The following LRATD1 variants were observed in gnomAD, a reference collection of about 807,000 sequenced individuals.
The protein encoded by LRATD1 is LRAT domain containing 1, also known as protein LRATD1.
A neutral mutation model predicts 21.3 loss-of-function variants in LRATD1; 8 were observed. That is an observed-to-expected ratio of 0.38 (90% CI 0.22 to 0.68). The LOEUF is 0.68. LRATD1 is among the 30% of genes least tolerant of loss of function. LRATD1 has a pLI of 0.54. For synonymous variants in LRATD1, 210 were observed against 186.2 expected, an observed-to-expected ratio of 1.13 and a Z score of -1.04; for missense variants, 380 against 404.0, an observed-to-expected ratio of 0.94 and a Z score of 0.51.
In LRATD1 at chr2:14,632,801, C is replaced by G. The variant is rs1271957617; in HGVS notation, c.-173C>G. The G allele has an allele frequency of 1.3e-5, 2 of 152,788 alleles. No homozygotes were observed. Among genetic ancestry groups the G allele is most frequent in the Non-Finnish European group, 2.9e-5 (2 of 68,438 alleles). 9.5% of individuals were successfully genotyped at this position (152,788 alleles called of 1,614,324 possible). On this transcript the variant is annotated 5_prime_UTR_variant, in exon 1 of 2. Coordinates refer to ENST00000295092, the MANE Select transcript of LRATD1 (RefSeq NM_145175.4). ...GGAGGCGCACGGGCGCCGCACCGCA[C>G]GATTCGGCTCGGGGTAGAGCGGAGC...
At chr2:14,648,483 T>G (rs1271940837) in intron 4 of LRATD1, among the ~76,000 whole-genome samples, 1 of 152,104 alleles carries the variant, frequency 6.6e-6, no homozygotes, top group Non-Finnish European at 1.5e-5. Context: ...GTGAGAAGAG[T>G]GGCATTGTTT....
intron 2 of LRATD1, among the ~76,000 whole-genome samples, chr2:14,645,507 G>A (rs1161980919): frequency 3.3e-5 from 5 of 152,080 alleles, no homozygotes; most frequent in East Asian, 1.9e-4. Flanking sequence ...AATGCTAGAC[G>A]GAATCTTTTA....
downstream of LRATD1, among the ~76,000 whole-genome samples, chr2:14,642,302 C>A (rs1425687644): frequency 1.3e-5 from 2 of 152,090 alleles, no homozygotes; most frequent in African/African-American, 4.8e-5. Context: ...GTTTCTCTGT[C>A]CTGGGTATAA....
At chr2:14,642,036 G>A (rs1671812060), downstream of LRATD1, 1 of 152,172 alleles carries the variant, frequency 6.6e-6, no homozygotes, top group Admixed American at 6.5e-5. Flanking sequence ...ACTTGCAGTA[G>A]GTGCTAAATT....
downstream of LRATD1, among the ~76,000 whole-genome samples, chr2:14,643,471 CT>C (rs1463903117): frequency 6.6e-6 from 1 of 152,222 alleles, no homozygotes; most frequent in Non-Finnish European, 1.5e-5. Context: ...GCCTCTGAAG[CT>C]TCATCCCCTG....
At chr2:14,640,351 C>A (rs1671787919), downstream of LRATD1, among the ~76,000 whole-genome samples, 1 of 152,136 alleles carries the variant, frequency 6.6e-6, no homozygotes, top group Non-Finnish European at 1.5e-5. Flanking sequence ...TGCTATGCCT[C>A]TTGGCTTTTA....
In LRATD1 at chr2:14,634,481, G is replaced by A; in HGVS notation, c.502G>A (p.Glu168Lys). Residue 168 changes from glutamate (E) to lysine (K), a missense_variant, in exon 2 of 2, where the codon GAG becomes AAG. By Grantham distance (56) the Glu-to-Lys change is moderately conservative (BLOSUM62 1). Coordinates refer to ENST00000295092, the MANE Select transcript of LRATD1 (RefSeq NM_145175.4). ...QGEIRQDSLY[E>K]AGAANVGRVV... Reference sequence around the variant, plus strand: ...CGAGATCCGCCAGGACAGCCTGTATGAGGCGGGCGCGGCCAACGTGGGCCG... The same window carrying A: ...CGAGATCCGCCAGGACAGCCTGTATAAGGCGGGCGCGGCCAACGTGGGCCG... 1 of 1,512,518 alleles carries A rather than the reference G, an allele frequency of 6.6e-7. No individual in the cohort carries two copies. The highest frequency in any genetic ancestry group is 8.8e-7 in the Non-Finnish European group (1 of 1,132,242). 93.7% of individuals were successfully genotyped at this position (1,512,518 alleles called of 1,614,324 possible). A position where few individuals can be genotyped will look rare whatever the true frequency, so the allele number is the denominator to read the frequency against.
At position 14,634,220 on chromosome 2, in the gene LRATD1, C is replaced by T; in HGVS notation, c.241C>T (p.Leu81Phe). The change falls in exon 2 of 2, where the codon CTC becomes TTC. Residue 81 changes from leucine (L) to phenylalanine (F), a missense_variant. Transcript: ENST00000295092. Reference sequence around the variant, plus strand: ...CCACCACCTGCTGCACCAGCTGGTCCTCAACGAGACTCAGTTTTCCGCCTT... The same window carrying T: ...CCACCACCTGCTGCACCAGCTGGTCTTCAACGAGACTCAGTTTTCCGCCTT... Reference protein sequence around the residue: ...HHHHLLHQLVLNETQFSAFRG... With the variant: ...HHHHLLHQLVFNETQFSAFRG... The T allele has an allele frequency of 1.2e-6, 2 of 1,612,842 alleles. 1 individual carries two copies. The highest frequency in any genetic ancestry group is 2.2e-5 in the South Asian group (2 of 91,044).
At chr2:14,643,354 C>T (rs181309401), downstream of LRATD1, among the ~76,000 whole-genome samples, 192 of 152,290 alleles carry the variant, frequency 1.3e-3, 1 homozygote, top group African/African-American at 4.5e-3. Flanking sequence ...TTCCTTACAG[C>T]CTTTAAGGAC....
At position 14,648,928 on chromosome 2, in the gene LRATD1, C is replaced by T. The variant is rs544071875; in HGVS notation, n.437-388C>T. Among the ~76,000 whole-genome samples, 10 of 152,096 alleles carry T rather than the reference C, an allele frequency of 6.6e-5. 1 individual carries two copies. The highest frequency in any genetic ancestry group is 1.2e-4 in the Non-Finnish European group (8 of 68,018). ...ATTTATTCATGAAGGTAGTTTCTCC[C>T]CTGTCACTGGGTAAAGTCAGGCCAG... On this transcript the variant is annotated intron_variant and non_coding_transcript_variant, in intron 4 of 5. Coordinates refer to the LRATD1 transcript ENST00000464947.
In LRATD1 at chr2:14,635,003, AC is replaced by A. The variant is rs1249350333; in HGVS notation, c.*150del. On this transcript the variant is annotated 3_prime_UTR_variant, in exon 2 of 2. Coordinates refer to ENST00000295092, the MANE Select transcript of LRATD1 (RefSeq NM_145175.4). ...CGCCGGTGGCCCGGGCCCGGGCTGCACCCCCGCATCCCCAAGCCAGCGGCAG... is the reference window on the plus strand; with the variant it reads ...CGCCGGTGGCCCGGGCCCGGGCTGCACCCCGCATCCCCAAGCCAGCGGCAG... 2.6e-6 allele frequency: 3 copies of A among 1,142,366 alleles called. No individual in the cohort carries two copies. Among genetic ancestry groups the A allele is most frequent in the Admixed American group, 2.2e-5 (1 of 44,882 alleles). The allele number at this position is 1,142,366 out of a possible 1,614,324, so 70.8% of individuals were successfully genotyped here.
At position 14,634,247 on chromosome 2, in the gene LRATD1, C is replaced by T; in HGVS notation, c.268C>T (p.Arg90Trp). 6.2e-7 allele frequency: 1 copy of T among 1,610,622 alleles called. No individual in the cohort carries two copies. Among genetic ancestry groups the T allele is most frequent in the Non-Finnish European group, 8.5e-7 (1 of 1,179,734 alleles). Residue 90 changes from arginine (R) to tryptophan (W), a missense_variant, in exon 2 of 2, where the codon CGG becomes TGG. Physicochemically the swap from Arg to Trp is moderately radical, Grantham distance 101. Coordinates refer to ENST00000295092, the MANE Select transcript of LRATD1 (RefSeq NM_145175.4). ...VLNETQFSAF[R>W]GQECIFSKVS... ...CAACGAGACTCAGTTTTCCGCCTTT[C>T]GGGGCCAGGAATGCATCTTTTCCAA...
chr2:14,649,297 T>C (rs184876432), intron 4 of LRATD1: 236 of 456,542 alleles, frequency 5.2e-4, no homozygotes, highest in Middle Eastern at 9.8e-4. Context: ...AAACATTGTG[T>C]TTTTCTTGTG....
Position 14,633,639 on chromosome 2 carries a change from C to T in LRATD1, c.-36-305C>T. ...GTCTCCCACACTGCCACAGCCAGCA[C>T]TCTCCTCCCCACCGGGACCCCGCAA... On this transcript the variant is annotated intron_variant, in intron 1 of 1. Transcript: ENST00000295092. The surrounding 1 kb of genome is among the most constrained non-coding windows in gnomAD (Gnocchi z 7.5). The T allele has an allele frequency of 3.2e-6, 1 of 310,664 alleles. No individual in the cohort carries two copies. The highest frequency in any genetic ancestry group is 6.0e-6 in the Non-Finnish European group (1 of 165,306). The allele number at this position is 310,664 out of a possible 1,614,324, so 19.2% of individuals were successfully genotyped here.
downstream of LRATD1, among the ~76,000 whole-genome samples, chr2:14,644,385 T>C (rs774522527): frequency 2.6e-5 from 4 of 152,332 alleles, no homozygotes; most frequent in Non-Finnish European, 4.4e-5. Flanking sequence ...GGTAGAAATA[T>C]AGATAAATAT....
downstream of LRATD1, chr2:14,649,813 C>T (rs1671971651): frequency 1.9e-5 from 3 of 155,478 alleles, no homozygotes; most frequent in South Asian, 5.9e-4. Context: ...TCCTAACGCC[C>T]CAGGTGATGA....
chr2:14,642,960 T>C (rs1671830718), downstream of LRATD1, among the ~76,000 whole-genome samples: 1 of 152,222 alleles, frequency 6.6e-6, no homozygotes, highest in South Asian at 2.1e-4. Context: ...AGGTTGCCTG[T>C]ATCTAAGACA....
Position 14,634,393 on chromosome 2 carries a change from C to T in LRATD1, c.414C>T (p.Pro138=). The T allele has an allele frequency of 6.5e-7, 1 of 1,539,660 alleles. No individual in the cohort carries two copies. Among genetic ancestry groups the T allele is most frequent in the Non-Finnish European group, 8.7e-7 (1 of 1,146,538 alleles). The change falls in exon 2 of 2, where the codon CCC becomes CCT. Residue 138 remains proline (P), a synonymous_variant. Coordinates refer to ENST00000295092, the MANE Select transcript of LRATD1 (RefSeq NM_145175.4). ...GGCTGCAGCCCGCGCCGGAGCCGCC[C>T]GCGCCCGCCCCGCACTGGGCCGTCT... is the stretch of plus-strand genomic sequence containing the variant. ...LLWLQPAPEP[P]APAPHWAVYV... is the part of the protein sequence containing the mutation.
chr2:14,634,815 G>C lies in LRATD1; in HGVS notation c.836G>C (p.Arg279Pro), dbSNP rs756473710. Reference sequence around the variant, plus strand: ...CGTATCGACGCCAGCGGCCGCCTGCGAGTGCTCCAGGAGCTCGCCGACCTC... The same window carrying C: ...CGTATCGACGCCAGCGGCCGCCTGCCAGTGCTCCAGGAGCTCGCCGACCTC... ...KRRIDASGRL[R>P]VLQELADLVD... Residue 279 changes from arginine (R) to proline (P), a missense_variant, in exon 2 of 2, where the codon CGA (arginine) becomes CCA (proline). Transcript: ENST00000295092. 2.5e-6 allele frequency: 4 copies of C among 1,608,266 alleles called. No individual in the cohort carries two copies. The South Asian group carries it at 4.4e-5, about 18-fold the overall frequency.
Sources: gnomAD v4.1 joint callset for allele counts (sites outside exome capture counted in the v4.1 genomes callset) on GRCh38, gnomAD v4.1.1 for gene constraint, Gnocchi (gnomAD v3.1) non-coding constraint, MANE v1.5 for transcripts, NCBI Gene and HGNC (gene_info 2026-07-23, HGNC 2026-07-21) for gene names.